Variants in BUB1B observed in about 807,000 individuals in gnomAD.
BUB1B encodes the protein BUB1 mitotic checkpoint serine/threonine kinase B.
In BUB1B, 86 loss-of-function variants were observed where a neutral mutation model predicts 137.7. That is an observed-to-expected ratio of 0.62 (90% CI 0.52 to 0.75). The LOEUF (loss-of-function observed/expected upper bound fraction) is 0.75. Among genes scored for constraint, BUB1B ranks in the 30% least tolerant of loss-of-function variants. The pLI is 0.00. For synonymous variants in BUB1B, 420 were observed against 417.9 expected, an observed-to-expected ratio of 1.00 and a Z score of -0.06; for missense variants, 1,130 against 1,236.9, an observed-to-expected ratio of 0.91 and a Z score of 1.30.
intron 10 of BUB1B, 34 bp from the exon 11 acceptor site, chr15:40,200,210 A>G (rs749044039): frequency 1.4e-6 from 2 of 1,435,338 alleles, no homozygotes; most frequent in Non-Finnish European, 2.0e-6. Flanking sequence ...TCTGGATGGG[A>G]GGGACATTGA....
Position 40,200,227 on chromosome 15 carries a change from T to C in BUB1B, c.1402-17T>C. On this transcript the variant is annotated splice_polypyrimidine_tract_variant and intron_variant, in intron 10 of 22. Coordinates refer to ENST00000287598, the MANE Select transcript of BUB1B (RefSeq NM_001211.6). ...TGGATGGGAGGGACATTGATTTTGT[T>C]TATTTAATGCAAACAGCAAGAAGAG... The C allele has an allele frequency of 6.3e-7, 1 of 1,578,020 alleles. No homozygotes were observed. Among genetic ancestry groups the C allele is most frequent in the Non-Finnish European group, 8.7e-7 (1 of 1,148,566 alleles).
At position 40,220,621 on chromosome 15, in the gene BUB1B, T is replaced by G. The variant is rs902224077; in HGVS notation, c.3015T>G (p.Asp1005Glu). The part of the protein sequence containing the change: ...KFFVRILNAN[D>E]EATVSVLGEL... ...TTGTGCGGATTCTGAATGCCAATGA[T>G]GAGGCCACAGTGTCTGTTCTTGGGG... is the stretch of plus-strand genomic sequence containing the variant. Residue 1005 changes from aspartate to glutamate, a missense_variant, in exon 23 of 23, where the codon GAT becomes GAG. By Grantham distance (45) the Asp-to-Glu change is conservative. Coordinates refer to ENST00000287598, the MANE Select transcript of BUB1B (RefSeq NM_001211.6). 4.3e-6 allele frequency: 7 copies of G among 1,614,110 alleles called. No homozygotes were observed. In the African/African-American group the frequency reaches 8.0e-5, roughly 18 times the overall value.
intron 4 of BUB1B, chr15:40,173,986 A>G (rs1462843749): frequency 2.3e-6 from 1 of 429,886 alleles, no homozygotes; most frequent in Non-Finnish European, 4.6e-6. Flanking sequence ...AAGGTATAAA[A>G]TTATTTTAGT....
intron 12 of BUB1B, 95 bp from the exon 13 acceptor site, chr15:40,202,310 T>C (rs969975018): frequency 1.7e-6 from 2 of 1,143,106 alleles, no homozygotes; most frequent in Non-Finnish European, 2.6e-6. Flanking sequence ...GCCTTCCTGC[T>C]TTCAAACAAC....
At chr15:40,166,280 A>G (rs763041555) in intron 2 of BUB1B, 1 of 388,630 alleles carries the variant, frequency 2.6e-6, no homozygotes, top group Non-Finnish European at 4.9e-6. Flanking sequence ...CTTTATAAAT[A>G]ATGTTGCTAT....
chr15:40,200,739 A>G (rs984717432), intron 11 of BUB1B, among the ~76,000 whole-genome samples, 192 bp from the exon 12 acceptor site: 4 of 152,216 alleles, frequency 2.6e-5, no homozygotes, highest in African/African-American at 9.6e-5. Flanking sequence ...CTTGACATCT[A>G]TTATCAAATA....
At chr15:40,190,555 A>G (rs898222380) in intron 8 of BUB1B, among the ~76,000 whole-genome samples, 1 of 152,220 alleles carries the variant, frequency 6.6e-6, no homozygotes, top group East Asian at 1.9e-4. Context: ...CTACGGCTGC[A>G]GTGAGCCAGG....
intron 8 of BUB1B, 143 bp downstream of exon 8, chr15:40,185,785 C>T (rs2037354035): frequency 6.2e-6 from 5 of 810,544 alleles, no homozygotes; most frequent in African/African-American, 3.4e-5. Context: ...GTAATCCCAG[C>T]ACAGGCTGAG....
intron 6 of BUB1B, 79 bp from the exon 7 acceptor site, chr15:40,185,086 G>A: frequency 8.2e-7 from 1 of 1,216,122 alleles, no homozygotes; most frequent in Non-Finnish European, 1.2e-6. Context: ...TTGAGTTGAG[G>A]AAGAATAGGT....
chr15:40,207,643 A>G (rs1278548225), intron 15 of BUB1B, among the ~76,000 whole-genome samples: 1 of 152,200 alleles, frequency 6.6e-6, no homozygotes, highest in Non-Finnish European at 1.5e-5. Context: ...TACTATAGGT[A>G]AATAAAGCAT....
intron 5 of BUB1B, among the ~76,000 whole-genome samples, chr15:40,177,232 G>C (rs1370142573): frequency 6.6e-6 from 1 of 152,148 alleles, no homozygotes; most frequent in Non-Finnish European, 1.5e-5. Flanking sequence ...TAATTTTAAA[G>C]AAGTCTAATT....
intron 1 of BUB1B, among the ~76,000 whole-genome samples, 165 bp downstream of exon 1, chr15:40,161,420 A>G (rs1245259415): frequency 6.6e-6 from 1 of 152,070 alleles, no homozygotes; most frequent in Non-Finnish European, 1.5e-5. Flanking sequence ...TGGAGGTGAA[A>G]ACGCAGTGGA....
intron 9 of BUB1B, among the ~76,000 whole-genome samples, chr15:40,198,246 T>TTTTTTTTAAATAGAG (rs1231003614): frequency 2.6e-5 from 4 of 151,776 alleles, no homozygotes; most frequent in Non-Finnish European, 5.9e-5. Context: ...TGTGTTTTTT[T>TTTTTTTTAAATAGAG]TTTTTTTAAA....
In BUB1B at chr15:40,200,964, A is replaced by G. The variant is rs781229722; in HGVS notation, c.1551A>G (p.Glu517=). The change falls in exon 12 of 23, where the codon GAA becomes GAG. Residue 517 remains glutamate, a synonymous_variant. Coordinates refer to ENST00000287598, the MANE Select transcript of BUB1B (RefSeq NM_001211.6). ...ETSLAENIWQ[E]QPHSKGPSVP... is the part of the protein sequence containing the mutation. Reference sequence around the variant, plus strand: ...CACTTGCGGAGAACATTTGGCAGGAACAACCTCATTCTAAAGGTGAGTTGT... The same window carrying G: ...CACTTGCGGAGAACATTTGGCAGGAGCAACCTCATTCTAAAGGTGAGTTGT... 2.5e-6 allele frequency: 4 copies of G among 1,613,404 alleles called. No individual in the cohort carries two copies. The highest frequency in any genetic ancestry group is 2.2e-5 in the South Asian group (2 of 91,020).
chr15:40,161,540 G>A (rs147741043), intron 1 of BUB1B, among the ~76,000 whole-genome samples: 23 of 152,336 alleles, frequency 1.5e-4, no homozygotes, highest in African/African-American at 5.3e-4. Context: ...TTGTAACTCA[G>A]CTCAGCCACC....
intron 11 of BUB1B, 26 bp downstream of exon 11, chr15:40,200,385 A>C (rs778745697): frequency 6.4e-7 from 1 of 1,573,638 alleles, no homozygotes; most frequent in Non-Finnish European, 8.7e-7. Context: ...TGGAAGGGAC[A>C]ATGCATATAG....
At chr15:40,190,607 C>G (rs1412384898) in intron 8 of BUB1B, among the ~76,000 whole-genome samples, 1 of 152,118 alleles carries the variant, frequency 6.6e-6, no homozygotes, top group East Asian at 1.9e-4. Context: ...GATTCAGATC[C>G]TGTCTCTAAA....
At chr15:40,198,790 C>T (rs1338333568) in intron 9 of BUB1B, among the ~76,000 whole-genome samples, 3 of 152,088 alleles carry the variant, frequency 2.0e-5, no homozygotes, top group Non-Finnish European at 4.4e-5. Context: ...CCTCTTTACC[C>T]TAACCTGCAA....
intron 21 of BUB1B, 77 bp downstream of exon 21, chr15:40,217,744 T>C: frequency 6.6e-7 from 1 of 1,519,086 alleles, no homozygotes; most frequent in South Asian, 1.1e-5. Flanking sequence ...CTATAAAAGC[T>C]ACTGTTTACT....
Sources: gnomAD v4.1 joint callset for allele counts (sites outside exome capture counted in the v4.1 genomes callset) on GRCh38, gnomAD v4.1.1 for gene constraint, MANE v1.5 for transcripts, NCBI Gene and HGNC (gene_info 2026-07-23, HGNC 2026-07-21) for gene names.